PRAG1: variants seen among roughly 807,000 people sequenced by gnomAD.
PRAG1 encodes PEAK1 related, kinase-activating pseudokinase 1, also known as inactive tyrosine-protein kinase PRAG1.
In PRAG1, 110 loss-of-function variants were observed where a neutral mutation model predicts 95.6. That is an observed-to-expected ratio of 1.15 (90% CI 0.99 to 1.35). PRAG1 has a LOEUF of 1.35. Ranked by LOEUF, PRAG1 falls within the 40% of genes most tolerant of loss-of-function variation. PRAG1 has a pLI of 0.00. For missense variants in PRAG1, 2,554 were observed against 1,864.7 expected, an observed-to-expected ratio of 1.37 and a Z score of -6.81; for synonymous variants, 1,052 against 819.4, an observed-to-expected ratio of 1.28 and a Z score of -4.85.
Position 8,376,500 on chromosome 8 carries a change from A to G in PRAG1, c.1909T>C (p.Cys637Arg), listed in dbSNP as rs756231341. The part of the protein sequence containing the change: ...RFQAGTWSRQ[C>R]RIEEEEEVEQ... ...ACCTCCTCTTCTTCCTCTATCCGGCACTGACGACTCCAGGTGCCTGCCTGG... is the reference window on the plus strand; with the variant it reads ...ACCTCCTCTTCTTCCTCTATCCGGCGCTGACGACTCCAGGTGCCTGCCTGG... The change falls in exon 3 of 6, where the codon TGC becomes CGC. Residue 637 changes from cysteine (C) to arginine (R), a missense_variant. Physicochemically the swap from Cys to Arg is radical, Grantham distance 180. Transcript: ENST00000615670. The G allele has an allele frequency of 3.9e-5, 63 of 1,612,228 alleles. 1 individual carries two copies. Among genetic ancestry groups the G allele is most frequent in the Admixed American group, 2.5e-4 (15 of 59,930 alleles).
At chr8:8,343,313 A>G (rs372007431) in intron 3 of PRAG1, among the ~76,000 whole-genome samples, 2 of 151,598 alleles carry the variant, frequency 1.3e-5, no homozygotes, top group East Asian at 3.9e-4. Context: ...CAGGACAACA[A>G]TGTGATGAAT....
At position 8,377,644 on chromosome 8, in the gene PRAG1, G is replaced by A. The variant is rs1407690363; in HGVS notation, c.765C>T (p.Ser255=). ...SGDSEGGEYC[S]ILDCCPGSPV... is the part of the protein sequence containing the mutation. ...GGCTCCCAGGGCAGCAGTCCAGGATGGAGCAGTACTCTCCACCCTCGCTGT... is the reference window on the plus strand; with the variant it reads ...GGCTCCCAGGGCAGCAGTCCAGGATAGAGCAGTACTCTCCACCCTCGCTGT... The change falls in exon 3 of 6, where the codon TCC becomes TCT. Residue 255 remains serine (S), a synonymous_variant. Transcript: ENST00000615670. 6 of 1,613,652 alleles carry A rather than the reference G, an allele frequency of 3.7e-6. No homozygotes were observed. Among genetic ancestry groups the A allele is most frequent in the East Asian group, 2.2e-5 (1 of 44,876 alleles).
intron 3 of PRAG1, among the ~76,000 whole-genome samples, chr8:8,369,500 T>G (rs753735024): frequency 6.6e-6 from 1 of 152,228 alleles, no homozygotes; most frequent in South Asian, 2.1e-4. Flanking sequence ...GCACCTGTTA[T>G]GTGCAAAGCA....
chr8:8,350,194 G>A (rs140931783), intron 3 of PRAG1, among the ~76,000 whole-genome samples: 17 of 152,304 alleles, frequency 1.1e-4, no homozygotes, highest in African/African-American at 3.4e-4. Context: ...TTCCAAAGAA[G>A]TGCTGGGCTG....
intron 3 of PRAG1, among the ~76,000 whole-genome samples, chr8:8,366,991 G>A (rs1407236434): frequency 6.6e-6 from 1 of 151,996 alleles, no homozygotes; most frequent in African/African-American, 2.4e-5. Flanking sequence ...CATTTTAGAA[G>A]ACAAATTTTA....
Position 8,377,278 on chromosome 8 carries a change from C to T in PRAG1, c.1131G>A (p.Gln377=), listed in dbSNP as rs575878225. The change falls in exon 3 of 6, where the codon CAG becomes CAA. Residue 377 remains glutamine (Q), a synonymous_variant. Coordinates refer to ENST00000615670, the MANE Select transcript of PRAG1 (RefSeq NM_001080826.3). The part of the protein sequence containing the change: ...SLMKEPAPEK[Q]QDPGCPGVTP... ...TCACCCCTGGGCAGCCAGGGTCCTG[C>T]TGCTTCTCTGGGGCAGGTTCCTTCA... is the stretch of plus-strand genomic sequence containing the variant. 6.2e-7 allele frequency: 1 copy of T among 1,612,888 alleles called. No individual in the cohort carries two copies. Among genetic ancestry groups the T allele is most frequent in the African/African-American group, 1.3e-5 (1 of 75,066 alleles).
chr8:8,325,818 C>A (rs973743322), intron 5 of PRAG1, among the ~76,000 whole-genome samples: 4 of 151,874 alleles, frequency 2.6e-5, no homozygotes, highest in Admixed American at 2.0e-4. Context: ...GAGACTGAGG[C>A]AGGAGAATCG....
Position 8,370,124 on chromosome 8 carries a change from G to A in PRAG1, c.2162+6123C>T, listed in dbSNP as rs1800143729. 2.0e-5 allele frequency among the ~76,000 whole-genome samples: 3 copies of A among 152,246 alleles called. 1 individual carries two copies. The highest frequency in any genetic ancestry group is 4.1e-4 in the South Asian group (2 of 4,834). On this transcript the variant is annotated intron_variant, in intron 3 of 5. Coordinates refer to ENST00000615670, the MANE Select transcript of PRAG1 (RefSeq NM_001080826.3). ...CAAAATTAGACAGAAAGTCTTAAAT[G>A]TTGAATACATACTGCTGTCAAATCA... is the stretch of plus-strand genomic sequence containing the variant.
intron 5 of PRAG1, among the ~76,000 whole-genome samples, chr8:8,319,514 T>C (rs912795524): frequency 1.3e-5 from 2 of 152,142 alleles, no homozygotes; most frequent in Admixed American, 1.3e-4. Flanking sequence ...ACCAATAGCA[T>C]AGTTCACAAA....
rs774987560 is a variant in PRAG1, at chr8:8,376,673, C to T, written c.1736G>A (p.Gly579Asp). The change falls in exon 3 of 6, where the codon GGC (glycine) becomes GAC (aspartate). Residue 579 changes from glycine to aspartate, a missense_variant. Coordinates refer to ENST00000615670, the MANE Select transcript of PRAG1 (RefSeq NM_001080826.3). The part of the protein sequence containing the change: ...PLADLSDGSS[G>D]GSSIGPQPPS... ...AGGCTGGGGCCCAATGCTGCTGCCG[C>T]CAGAGCTCCCATCACTAAGGTCAGC... The T allele has an allele frequency of 3.1e-6, 5 of 1,611,544 alleles. No individual in the cohort carries two copies. Among genetic ancestry groups the T allele is most frequent in the Non-Finnish European group, 4.2e-6 (5 of 1,179,634 alleles).
intron 5 of PRAG1, among the ~76,000 whole-genome samples, chr8:8,322,917 A>G (rs565098537): frequency 5.9e-4 from 90 of 152,272 alleles, no homozygotes; most frequent in African/African-American, 2.1e-3. Context: ...TTGTGGCCTG[A>G]CCACTTTGGG....
At chr8:8,339,832 C>A (rs1247145970) in intron 3 of PRAG1, among the ~76,000 whole-genome samples, 197 bp from the exon 4 acceptor site, 2 of 152,052 alleles carry the variant, frequency 1.3e-5, no homozygotes, top group East Asian at 3.8e-4. Context: ...CAGGAGACTT[C>A]CAGAGTGTGG....
intron 3 of PRAG1, among the ~76,000 whole-genome samples, chr8:8,351,338 C>T (rs987115875): frequency 1.3e-5 from 2 of 152,164 alleles, no homozygotes; most frequent in Non-Finnish European, 2.9e-5. Flanking sequence ...ATGGTCGAAT[C>T]ACCTCCCACC....
chr8:8,385,315 G>C (rs536632067), intron 1 of PRAG1, among the ~76,000 whole-genome samples: 22 of 152,196 alleles, frequency 1.4e-4, no homozygotes, highest in African/African-American at 5.1e-4. Context: ...TCACGCAGAG[G>C]GTAAATTACG....
chr8:8,328,098 G>T lies in PRAG1; in HGVS notation c.2684C>A (p.Ala895Glu). The change falls in exon 5 of 6, where the codon GCA (alanine) becomes GAA (glutamate). Residue 895 changes from alanine (A) to glutamate (E), a missense_variant. Ala to Glu is a moderately radical substitution (Grantham distance 107). Transcript: ENST00000615670. ...GCCTCTGTTGCCCGCCAGCCCTGCTGCCGGAAGCCAGTGGCCACTGCCTTT... is the reference window on the plus strand; with the variant it reads ...GCCTCTGTTGCCCGCCAGCCCTGCTTCCGGAAGCCAGTGGCCACTGCCTTT... ...AFKGSGHWLP[A>E]AGLAGNRGGC... is the part of the protein sequence containing the mutation. 2 of 1,611,658 alleles carry T rather than the reference G, an allele frequency of 1.2e-6. No homozygotes were observed. Among genetic ancestry groups the T allele is most frequent in the Non-Finnish European group, 1.7e-6 (2 of 1,178,044 alleles).
chr8:8,380,158 T>G (rs887962681), intron 2 of PRAG1, among the ~76,000 whole-genome samples: 1 of 151,858 alleles, frequency 6.6e-6, no homozygotes, highest in Admixed American at 6.6e-5. Flanking sequence ...ACCTCTAGTC[T>G]TAGATTCCTA....
chr8:8,330,260 G>C (rs1441572122), intron 4 of PRAG1, among the ~76,000 whole-genome samples: 2 of 152,150 alleles, frequency 1.3e-5, no homozygotes, highest in Non-Finnish European at 2.9e-5. Flanking sequence ...CAGCTACTCA[G>C]GAGGCTGAGG....
At chr8:8,348,399 T>C (rs1483464243) in intron 3 of PRAG1, among the ~76,000 whole-genome samples, 3 of 152,242 alleles carry the variant, frequency 2.0e-5, no homozygotes, top group South Asian at 4.1e-4. Flanking sequence ...TCAAATTTTC[T>C]TTGACAATCT....
chr8:8,381,908 C>G (rs1800688562), intron 1 of PRAG1, 74 bp from the exon 2 acceptor site: 1 of 579,814 alleles, frequency 1.7e-6, no homozygotes, highest in Admixed American at 3.3e-5. Context: ...ATTAGAGTCT[C>G]ACTATTTGAT....
Sources: allele counts gnomAD v4.1 joint callset (sites outside exome capture counted in the v4.1 genomes callset), GRCh38; gene constraint gnomAD v4.1.1; transcripts MANE v1.5; gene names NCBI Gene and HGNC (gene_info 2026-07-23, HGNC 2026-07-21).